Variants in STRA6 observed in about 807,000 individuals in gnomAD.
The protein encoded by STRA6 is receptor for retinol uptake STRA6.
STRA6 carries 48 observed loss-of-function variants against 83.6 expected under a neutral mutation model. That is an observed-to-expected ratio of 0.57 (90% CI 0.46 to 0.73). The LOEUF is 0.73. Ranked by LOEUF, STRA6 falls within the 30% of genes least tolerant of loss-of-function variation. STRA6 has a pLI of 0.00. For missense variants in STRA6, 760 were observed against 838.8 expected (o/e 0.91, Z 1.16); for synonymous variants, 353 against 362.3 (o/e 0.97, Z 0.29).
chr15:74,183,800 A>G (rs2073107360), intron 14 of STRA6, 56 bp downstream of exon 14: 6 of 1,612,744 alleles, frequency 3.7e-6, no homozygotes, highest in Non-Finnish European at 5.1e-6. Context: ...AACTGAGGCC[A>G]GTGTCTGAGG....
chr15:74,197,985 T>C (rs1193421514), intron 2 of STRA6, 167 bp from the exon 3 acceptor site: 2 of 723,484 alleles, frequency 2.8e-6, no homozygotes, highest in Non-Finnish European at 4.8e-6. Context: ...AGGGTCATTC[T>C]GGGGCCCTCG....
chr15:74,199,498 C>G (rs757792313), intron 2 of STRA6, among the ~76,000 whole-genome samples: 1 of 152,186 alleles, frequency 6.6e-6, no homozygotes, highest in Non-Finnish European at 1.5e-5. Flanking sequence ...GGCATCTCCC[C>G]GCATGACTAG....
At chr15:74,190,007 C>T in intron 11 of STRA6, among the ~76,000 whole-genome samples, 1 of 152,114 alleles carries the variant, frequency 6.6e-6, no homozygotes, top group Admixed American at 6.6e-5. Context: ...ATTATAAGTA[C>T]TTTAGAGATA....
chr15:74,198,107 C>CTT (rs111675537), intron 2 of STRA6, among the ~76,000 whole-genome samples: 3 of 146,178 alleles, frequency 2.1e-5, no homozygotes, highest in Non-Finnish European at 3.0e-5. Flanking sequence ...CACTTATTCT[C>CTT]TTTTTTTTTT....
intron 18 of STRA6, among the ~76,000 whole-genome samples, chr15:74,180,576 C>A (rs1269521281): frequency 6.6e-6 from 1 of 152,126 alleles, no homozygotes; most frequent in Non-Finnish European, 1.5e-5. Flanking sequence ...TCTCTGTGTG[C>A]ACACATATGG....
intron 13 of STRA6, 35 bp downstream of exon 13, chr15:74,184,945 C>T (rs763525926): frequency 1.9e-6 from 3 of 1,605,964 alleles, no homozygotes; most frequent in South Asian, 1.1e-5. Flanking sequence ...TCCTTCCCCA[C>T]CTCGGCGCTG....
At chr15:74,186,562 T>C (rs748809334) in intron 12 of STRA6, among the ~76,000 whole-genome samples, 6 of 152,056 alleles carry the variant, frequency 3.9e-5, no homozygotes, top group African/African-American at 7.2e-5. Context: ...GAGCCGAGAT[T>C]GTGCCACGGC....
intron 5 of STRA6, 34 bp downstream of exon 5, chr15:74,195,974 A>G: frequency 6.2e-7 from 1 of 1,613,004 alleles, no homozygotes; most frequent in South Asian, 1.1e-5. Context: ...CCATCCCATC[A>G]CACCAACCCC....
chr15:74,199,429 C>T (rs937017359), intron 2 of STRA6, among the ~76,000 whole-genome samples: 6 of 120,896 alleles, frequency 5.0e-5, no homozygotes, highest in Non-Finnish European at 8.3e-5. Flanking sequence ...GTGTCAGCTC[C>T]CCACCTCCAG....
In STRA6 at chr15:74,207,930, T is replaced by TTG. The variant is rs2074298936; in HGVS notation, c.-16+869_-16+870insCA. 2.7e-6 allele frequency: 4 copies of TTG among 1,466,274 alleles called. No homozygotes were observed. In the African/African-American group the frequency reaches 4.2e-5, roughly 15 times the overall value. 90.8% of individuals were successfully genotyped at this position (1,466,274 alleles called of 1,614,324 possible). ...GTGCTCACGGCAGGAAGAGTATGGG[T>TTG]GACTCTCCACCTCCTGTCTCTCTAC... On this transcript the variant is annotated intron_variant, in intron 1 of 18. Coordinates refer to the STRA6 transcript ENST00000323940.
At chr15:74,194,814 C>T in intron 7 of STRA6, 1 of 1,311,312 alleles carries the variant, frequency 7.6e-7, no homozygotes, top group East Asian at 2.8e-5. Flanking sequence ...TGTACCATCA[C>T]TCTTTGAGTT....
rs985280869 is a variant in STRA6 at position 74,202,279 on chromosome 15, T to C, written c.-12A>G. 2 of 1,550,548 alleles carry C rather than the reference T, an allele frequency of 1.3e-6. No individual in the cohort carries two copies. The highest frequency in any genetic ancestry group is 2.8e-5 in the African/African-American group (2 of 71,680). ...GGCTGGGACGACATTCTCTGGCCCT[T>C]CTCCTTTGACCCCAGGCGAGAGAAA... On this transcript the variant is annotated 5_prime_UTR_variant, in exon 2 of 19. Transcript: ENST00000395105.
chr15:74,193,845 C>G lies in STRA6; in HGVS notation c.675G>C (p.Val225=). ...GLGFLSLWYP[V]QLVRSFSRRT... ...TACGGCTGAAGCTTCTCACCAGCTG[C>G]ACAGGGTACCAAAGGCTCAGGAATC... The change falls in exon 8 of 19, where the codon GTG becomes GTC. Residue 225 remains valine (V), a synonymous_variant. Transcript: ENST00000395105. The G allele has an allele frequency of 6.2e-7, 1 of 1,613,998 alleles. No individual in the cohort carries two copies. Among genetic ancestry groups the G allele is most frequent in the African/African-American group, 1.3e-5 (1 of 75,016 alleles).
chr15:74,197,657 A>T, intron 3 of STRA6, 95 bp downstream of exon 3: 1 of 1,490,504 alleles, frequency 6.7e-7, no homozygotes, highest in Non-Finnish European at 9.2e-7. Context: ...AGGATCTTCC[A>T]GGGCCCCCCT....
At chr15:74,201,669 T>A (rs144237486) in intron 2 of STRA6, among the ~76,000 whole-genome samples, 2 of 152,202 alleles carry the variant, frequency 1.3e-5, no homozygotes, top group African/African-American at 4.8e-5. Flanking sequence ...CTCAGTGACT[T>A]CTCACCAGGC....
At chr15:74,194,444 G>GA (rs1567191214) in intron 7 of STRA6, 5 of 989,674 alleles carry the variant, frequency 5.1e-6, no homozygotes, top group African/African-American at 3.5e-5. Flanking sequence ...TCTAGGTGGT[G>GA]AAAAAAAGCC....
chr15:74,195,661 C>A lies in STRA6; in HGVS notation c.421G>T (p.Ala141Ser). The A allele has an allele frequency of 6.9e-7, 1 of 1,442,068 alleles. No homozygotes were observed. The highest frequency in any genetic ancestry group is 9.6e-7 in the Non-Finnish European group (1 of 1,047,086). 89.3% of individuals were successfully genotyped at this position (1,442,068 alleles called of 1,614,324 possible). The change falls in exon 6 of 19, where the codon GCT becomes TCT. Residue 141 changes from alanine (A) to serine (S), a missense_variant. Ala to Ser is a moderately conservative substitution (Grantham distance 99). Transcript: ENST00000395105. The stretch of plus-strand genomic sequence containing the variant: ...ATCTTGGGCAAGTTACCTCTTGGAG[C>A]CTCAGTTTTCCCATCTGTAAAATGA... ...SAPSQDGKTE[A>S]PRGAWKILGL... is the part of the protein sequence containing the mutation.
chr15:74,189,041 A>C (rs1595838099), intron 12 of STRA6, 74 bp downstream of exon 12: 1 of 1,574,412 alleles, frequency 6.4e-7, no homozygotes, highest in Non-Finnish European at 8.7e-7. Flanking sequence ...TCCATGGCTG[A>C]CTAGGGCATA....
intron 1 of STRA6, 158 bp downstream of exon 1, chr15:74,202,555 G>T: frequency 6.8e-7 from 1 of 1,479,428 alleles, no homozygotes; most frequent in African/African-American, 1.4e-5. Flanking sequence ...TCCCCTTGGG[G>T]CCCCGGGGCT....
Sources: allele counts gnomAD v4.1 joint callset (sites outside exome capture counted in the v4.1 genomes callset), GRCh38; gene constraint gnomAD v4.1.1; transcripts MANE v1.5; gene names NCBI Gene and HGNC (gene_info 2026-07-23, HGNC 2026-07-21).